The following GOLM1 variants were observed in gnomAD, a reference collection of about 807,000 sequenced individuals.
The protein encoded by GOLM1 is epididymis luminal protein 46.
GOLM1 carries 31 observed loss-of-function variants against 50.5 expected under a neutral mutation model. That is an observed-to-expected ratio of 0.61 (90% CI 0.46 to 0.83). The LOEUF (loss-of-function observed/expected upper bound fraction) is 0.83, where lower values mean the gene tolerates loss of function less well. Among genes scored for constraint, GOLM1 ranks in the 40% least tolerant of loss-of-function variants. The pLI is 0.00. For missense variants in GOLM1, 491 were observed against 501.3 expected, an observed-to-expected ratio of 0.98 and a Z score of 0.20; for synonymous variants, 178 against 192.8, an observed-to-expected ratio of 0.92 and a Z score of 0.64.
chr9:86,075,364 T>A (rs1389395743), intron 3 of GOLM1, among the ~76,000 whole-genome samples: 1 of 152,264 alleles, frequency 6.6e-6, no homozygotes, highest in East Asian at 1.9e-4. Flanking sequence ...GATCATGGCC[T>A]CGACTGCCGT....
chr9:86,063,216 A>G (rs998973498), intron 3 of GOLM1, among the ~76,000 whole-genome samples: 1 of 152,206 alleles, frequency 6.6e-6, no homozygotes, highest in Non-Finnish European at 1.5e-5. Context: ...CAGCACCAGC[A>G]ATCTGGATAT....
chr9:86,039,923 G>A lies in GOLM1; in HGVS notation c.597+816C>T, dbSNP rs184858153. The stretch of plus-strand genomic sequence containing the variant: ...GCAGAGGCTGCAGTGAGCTGAGATC[G>A]CGCCACTGCACTCTGGCCTGGGTGA... On this transcript the variant is annotated intron_variant, in intron 6 of 9. Coordinates refer to ENST00000388712, the MANE Select transcript of GOLM1 (RefSeq NM_016548.4). 4.0e-3 allele frequency among the ~76,000 whole-genome samples: 604 copies of A among 150,696 alleles called. 5 individuals are homozygous for A. The highest frequency in any genetic ancestry group is 0.014 in the African/African-American group (576 of 40,986).
In GOLM1 at chr9:86,026,937, A is replaced by ATAAAG. The variant is rs1453075999; in HGVS notation, c.*875_*879dup. The ATAAAG allele has an allele frequency of 1.6e-5, 16 of 985,216 alleles. 1 individual carries two copies. The South Asian group carries it at 3.8e-4, about 23-fold the overall frequency. The allele number at this position is 985,216 out of a possible 1,614,324, so 61.0% of individuals were successfully genotyped here. On this transcript the variant is annotated 3_prime_UTR_variant, in exon 10 of 10. Transcript: ENST00000388712. ...AACTTTGTTTTCTTTTACTCCAGTA[A>ATAAAG]TAAAGTAGGCACAGATCTGTCCACA...
At chr9:86,061,704 G>A (rs997385205) in intron 3 of GOLM1, among the ~76,000 whole-genome samples, 17 of 152,192 alleles carry the variant, frequency 1.1e-4, no homozygotes, top group Non-Finnish European at 1.3e-4. Context: ...TTTATTTAAA[G>A]GGGCACCTTA....
intron 6 of GOLM1, among the ~76,000 whole-genome samples, chr9:86,037,337 CT>C (rs1214560095): frequency 1.3e-5 from 2 of 151,082 alleles, no homozygotes; most frequent in Admixed American, 6.6e-5. Flanking sequence ...TGATTTCCAG[CT>C]GAGGCAGGAA....
At chr9:86,085,939 G>A (rs1047608559) in intron 1 of GOLM1, among the ~76,000 whole-genome samples, 16 of 152,274 alleles carry the variant, frequency 1.1e-4, no homozygotes, top group South Asian at 2.1e-4. Context: ...ATAAACATAC[G>A]TGTGCATGTG....
At position 86,056,624 on chromosome 9, in the gene GOLM1, G is replaced by A. The variant is rs531863003; in HGVS notation, c.310-4033C>T. Among the ~76,000 whole-genome samples the A allele has an allele frequency of 6.6e-5, 10 of 151,284 alleles. No homozygotes were observed. The East Asian group carries it at 2.0e-3, about 30-fold the overall frequency. On this transcript the variant is annotated intron_variant, in intron 3 of 9. Transcript: ENST00000388712. ...GGGTTCAAGCAATTCCCCTGCCTCA[G>A]CCTCCTGAGTAGCTGGGACTACAGG...
intron 1 of GOLM1, among the ~76,000 whole-genome samples, chr9:86,098,255 G>C (rs1835412103): frequency 6.7e-6 from 1 of 148,292 alleles, no homozygotes; most frequent in Non-Finnish European, 1.5e-5. Context: ...AAGAAAGAAA[G>C]TAATGAGCTT....
chr9:86,093,719 CTTT>C (rs548970979), intron 1 of GOLM1, among the ~76,000 whole-genome samples: 1 of 152,098 alleles, frequency 6.6e-6, no homozygotes, highest in African/African-American at 2.4e-5. Flanking sequence ...CTTCTAATTA[CTTT>C]TTTTAAAAGA....
intron 2 of GOLM1, 50 bp downstream of exon 2, chr9:86,079,142 A>T: frequency 2.8e-6 from 4 of 1,453,648 alleles, no homozygotes; most frequent in Non-Finnish European, 2.7e-6. Context: ...ATAACAAAAT[A>T]AACAAAACAT....
intron 6 of GOLM1, among the ~76,000 whole-genome samples, chr9:86,039,626 A>C (rs1816572686): frequency 6.6e-6 from 1 of 152,194 alleles, no homozygotes; most frequent in Non-Finnish European, 1.5e-5. Context: ...TGCAGTACAG[A>C]CACATGCTGC....
Position 86,079,246 on chromosome 9 carries a change from G to A in GOLM1, c.75C>T (p.Ile25=). ...PLVLAALVAC[I]IVLGFNYWIA... is the part of the protein sequence containing the mutation. The stretch of plus-strand genomic sequence containing the variant: ...TCCAGTAGTTGAAGCCCAAGACGAT[G>A]ATGCAGGCCACCAGGGCGGCCAGCA... The change falls in exon 2 of 10, where the codon ATC becomes ATT. Residue 25 remains isoleucine, a synonymous_variant. Coordinates refer to ENST00000388712, the MANE Select transcript of GOLM1 (RefSeq NM_016548.4). 6.2e-7 allele frequency: 1 copy of A among 1,610,668 alleles called. No individual in the cohort carries two copies.
intron 3 of GOLM1, among the ~76,000 whole-genome samples, chr9:86,067,600 C>T (rs1834340534): frequency 6.6e-6 from 1 of 152,208 alleles, no homozygotes; most frequent in South Asian, 2.1e-4. Context: ...GAAGTGACCA[C>T]ACTCATTTCC....
intron 3 of GOLM1, among the ~76,000 whole-genome samples, chr9:86,061,334 T>C (rs1834155260): frequency 1.3e-5 from 2 of 152,192 alleles, no homozygotes; most frequent in African/African-American, 4.8e-5. Flanking sequence ...TTGAGGTAGA[T>C]TCAAGAACTT....
At chr9:86,038,322 C>A (rs1040509078) in intron 6 of GOLM1, among the ~76,000 whole-genome samples, 1 of 151,780 alleles carries the variant, frequency 6.6e-6, no homozygotes, top group East Asian at 1.9e-4. Flanking sequence ...AGCAGTGTGG[C>A]GGGGAAAGGA....
chr9:86,088,368 T>C (rs1230083641), intron 1 of GOLM1, among the ~76,000 whole-genome samples: 1 of 146,646 alleles, frequency 6.8e-6, no homozygotes, highest in Non-Finnish European at 1.5e-5. Flanking sequence ...CTATCTATTT[T>C]GTTAATCTTT....
At chr9:86,063,885 A>G (rs1381419376) in intron 3 of GOLM1, among the ~76,000 whole-genome samples, 1 of 152,236 alleles carries the variant, frequency 6.6e-6, no homozygotes, top group Non-Finnish European at 1.5e-5. Flanking sequence ...ACAGAGATCA[A>G]TGCACATGAA....
intron 9 of GOLM1, among the ~76,000 whole-genome samples, chr9:86,029,339 G>C (rs75271722): frequency 1.3e-5 from 2 of 152,072 alleles, no homozygotes; most frequent in Non-Finnish European, 2.9e-5. Context: ...GCTCCTGTGC[G>C]GCGTGACTCC....
intron 3 of GOLM1, among the ~76,000 whole-genome samples, chr9:86,068,649 A>T (rs1834371976): frequency 6.6e-6 from 1 of 152,246 alleles, no homozygotes; most frequent in Admixed American, 6.5e-5. Context: ...AGTAGAGACA[A>T]CCCGTTCCCA....
Sources: gnomAD v4.1 joint callset for allele counts (sites outside exome capture counted in the v4.1 genomes callset) on GRCh38, gnomAD v4.1.1 for gene constraint, MANE v1.5 for transcripts, NCBI Gene and HGNC (gene_info 2026-07-23, HGNC 2026-07-21) for gene names.